Variants in OXR1 observed in about 807,000 individuals in gnomAD.
OXR1 encodes oxidation resistance 1.
OXR1 carries 41 observed loss-of-function variants against 104.6 expected under a neutral mutation model. The ratio of observed to expected loss-of-function variants is 0.39; its 90% CI spans 0.31 to 0.51. The LOEUF is 0.51. Among genes scored for constraint, OXR1 ranks in the 20% least tolerant of loss-of-function variants. The probability of loss-of-function intolerance (pLI) is 0.77; values close to 1 mark genes in which losing one functional copy is unlikely to be tolerated. For missense variants in OXR1, 955 were observed against 1,031.9 expected, an observed-to-expected ratio of 0.93 and a Z score of 1.02; for synonymous variants, 348 against 348.4, an observed-to-expected ratio of 1.00 and a Z score of 0.01.
intron 11 of OXR1, among the ~76,000 whole-genome samples, chr8:106,719,786 T>A (rs908876831): frequency 3.9e-5 from 6 of 152,010 alleles, no homozygotes; most frequent in Non-Finnish European, 8.8e-5. Flanking sequence ...ATTTTACAGA[T>A]AATTTCTTTG....
intron 2 of OXR1, among the ~76,000 whole-genome samples, chr8:106,503,055 T>G (rs1811914752): frequency 6.6e-6 from 1 of 152,194 alleles, no homozygotes; most frequent in Non-Finnish European, 1.5e-5. Flanking sequence ...AGCAACATTT[T>G]TCTTTTCATC....
chr8:106,561,404 T>G (rs1816670008), intron 3 of OXR1, among the ~76,000 whole-genome samples: 1 of 152,122 alleles, frequency 6.6e-6, no homozygotes, highest in Non-Finnish European at 1.5e-5. Context: ...GCAAAACTGC[T>G]ATAGCCAGAC....
intron 2 of OXR1, among the ~76,000 whole-genome samples, chr8:106,506,975 G>C (rs887780276): frequency 1.3e-5 from 2 of 151,958 alleles, no homozygotes; most frequent in African/African-American, 4.8e-5. Context: ...TGTAGTCCCA[G>C]GTCCTTGGGA....
chr8:106,748,821 C>A (rs552045984), intron 16 of OXR1, among the ~76,000 whole-genome samples: 21 of 151,576 alleles, frequency 1.4e-4, no homozygotes, highest in Non-Finnish European at 2.9e-4. Flanking sequence ...CCACCAGCCT[C>A]AGCCTCCCAA....
In OXR1 at chr8:106,751,659, T is replaced by G. The variant is rs1285692479; in HGVS notation, c.*718T>G. Reference sequence around the variant, plus strand: ...ACAAGTCACAAAGGAGAATGAGAACTTAATGATTCTATTGGATTTAATATA... The same window carrying G: ...ACAAGTCACAAAGGAGAATGAGAACGTAATGATTCTATTGGATTTAATATA... On this transcript the variant is annotated 3_prime_UTR_variant, in exon 17 of 17. Transcript: ENST00000517566. 1 of 152,590 alleles carries G rather than the reference T, an allele frequency of 6.6e-6. No homozygotes were observed. The highest frequency in any genetic ancestry group is 1.5e-5 in the Non-Finnish European group (1 of 67,998). The allele number at this position is 152,590 out of a possible 1,614,324, so 9.5% of individuals were successfully genotyped here.
At chr8:106,573,048 T>C (rs115039783) in intron 3 of OXR1, among the ~76,000 whole-genome samples, 167 of 152,210 alleles carry the variant, frequency 1.1e-3, no homozygotes, top group African/African-American at 3.7e-3. Context: ...GAAAACTGGG[T>C]GTTTCAGTCA....
intron 1 of OXR1, among the ~76,000 whole-genome samples, chr8:106,343,398 T>C (rs1042062064): frequency 6.6e-6 from 1 of 152,212 alleles, no homozygotes; most frequent in African/African-American, 2.4e-5. Flanking sequence ...TGGATCTAGG[T>C]TGAATGATGT....
At chr8:106,677,885 A>G (rs1827763661) in intron 3 of OXR1, among the ~76,000 whole-genome samples, 1 of 152,082 alleles carries the variant, frequency 6.6e-6, no homozygotes, top group Admixed American at 6.6e-5. Context: ...GGTAGTTCAA[A>G]GTATAGTTCA....
intron 2 of OXR1, among the ~76,000 whole-genome samples, chr8:106,476,973 G>T (rs1821841371): frequency 6.6e-6 from 1 of 151,894 alleles, no homozygotes; most frequent in African/African-American, 2.4e-5. Context: ...CAGAGCTGCA[G>T]CCACGACTAC....
chr8:106,653,470 A>G (rs1044332742), intron 3 of OXR1, among the ~76,000 whole-genome samples: 2 of 151,984 alleles, frequency 1.3e-5, no homozygotes, highest in African/African-American at 4.8e-5. Flanking sequence ...TAATGCAAAC[A>G]CTATATTAAC....
intron 2 of OXR1, among the ~76,000 whole-genome samples, chr8:106,445,763 C>G (rs184231490): frequency 6.6e-6 from 1 of 152,286 alleles, no homozygotes; most frequent in Admixed American, 6.5e-5. Flanking sequence ...TACTGCGAGG[C>G]TTTAGAAAGA....
At chr8:106,286,263 G>A (rs1812496504) in intron 1 of OXR1, among the ~76,000 whole-genome samples, 1 of 151,486 alleles carries the variant, frequency 6.6e-6, no homozygotes, top group African/African-American at 2.4e-5. Context: ...AAGTAAAAAA[G>A]TACATCTAGC....
At chr8:106,501,370 A>G (rs550368109) in intron 2 of OXR1, among the ~76,000 whole-genome samples, 11 of 152,346 alleles carry the variant, frequency 7.2e-5, no homozygotes, top group East Asian at 3.9e-4. Flanking sequence ...AGATGAAGCC[A>G]GTGAAGTAGG....
At chr8:106,288,629 T>C (rs991950961) in intron 1 of OXR1, among the ~76,000 whole-genome samples, 2 of 148,220 alleles carry the variant, frequency 1.3e-5, no homozygotes, top group African/African-American at 4.9e-5. Context: ...TACACATACA[T>C]TATATATTAA....
chr8:106,611,753 T>A (rs1820828632), intron 3 of OXR1, among the ~76,000 whole-genome samples: 1 of 152,120 alleles, frequency 6.6e-6, no homozygotes, highest in Non-Finnish European at 1.5e-5. Flanking sequence ...TTGCCAGCAT[T>A]AGGTGGGGAT....
At chr8:106,742,423 T>C (rs910634348) in intron 15 of OXR1, 106 bp downstream of exon 15, 3 of 644,484 alleles carry the variant, frequency 4.7e-6, no homozygotes, top group African/African-American at 3.8e-5. Flanking sequence ...CCACTGATAT[T>C]CTTCACAGAA....
chr8:106,339,517 AAAATATATAT>A (rs1337378112), intron 1 of OXR1, among the ~76,000 whole-genome samples: 3,748 of 29,262 alleles, frequency 0.13, 386 homozygotes, highest in East Asian at 0.22. Context: ...AAAAAAAAAA[AAAATATATAT>A]ATATATATAT....
intron 2 of OXR1, among the ~76,000 whole-genome samples, chr8:106,385,376 C>T (rs549652595): frequency 1.3e-5 from 2 of 152,286 alleles, no homozygotes; most frequent in East Asian, 3.9e-4. Context: ...TCATTTGTTA[C>T]AATTCATATA....
At chr8:106,280,342 T>C (rs1223359652) in intron 1 of OXR1, among the ~76,000 whole-genome samples, 1 of 152,226 alleles carries the variant, frequency 6.6e-6, no homozygotes, top group Admixed American at 6.5e-5. Context: ...TTCTAGAGGC[T>C]AGAAGTCTAA....
Sources: gnomAD v4.1 joint callset for allele counts (sites outside exome capture counted in the v4.1 genomes callset) on GRCh38, gnomAD v4.1.1 for gene constraint, MANE v1.5 for transcripts, NCBI Gene and HGNC (gene_info 2026-07-23, HGNC 2026-07-21) for gene names.